TRMT11: variants seen among roughly 807,000 people sequenced by gnomAD.
TRMT11 encodes tRNA (guanine(10)-N(2))-methyltransferase TRMT11.
Under a neutral mutation model 62.8 loss-of-function variants are expected in TRMT11, and 53 were observed. The ratio of observed to expected loss-of-function variants is 0.84; its 90% confidence interval spans 0.68 to 1.06. TRMT11 has a LOEUF of 1.06. Among genes scored for constraint, TRMT11 ranks in the 50% least tolerant of loss-of-function variants. The pLI is 0.00. For synonymous variants in TRMT11, 188 were observed against 190.3 expected (o/e 0.99, Z 0.10); for missense variants, 556 against 553.4 (o/e 1.00, Z -0.05).
chr6:126,249,561 A>G, the TRMT11 span, among the ~76,000 whole-genome samples: 4 of 152,180 alleles, frequency 2.6e-5, no homozygotes. Context: ...TGTGCATAAT[A>G]AAATGTGAGA....
At chr6:126,064,303 G>A (rs537727506) in intron 17 of TRMT11, among the ~76,000 whole-genome samples, 31 of 152,206 alleles carry the variant, frequency 2.0e-4, no homozygotes, top group Non-Finnish European at 3.8e-4. Flanking sequence ...TGAGATGACC[G>A]ATACCCTGGA....
chr6:126,231,403 A>G, the TRMT11 span, among the ~76,000 whole-genome samples: 1 of 152,206 alleles, frequency 6.6e-6, no homozygotes, highest in Non-Finnish European at 1.5e-5. Flanking sequence ...CATTTTTAGT[A>G]TTGAAAAAAT....
At chr6:126,196,237 T>G (rs1046907141) in intron 1 of TRMT11, among the ~76,000 whole-genome samples, 1 of 152,226 alleles carries the variant, frequency 6.6e-6, no homozygotes, top group Non-Finnish European at 1.5e-5. Context: ...TACTCTGTAC[T>G]AAAATTGATT....
intron 21 of TRMT11, among the ~76,000 whole-genome samples, chr6:126,123,106 T>C (rs1012799889): frequency 1.6e-4 from 25 of 152,138 alleles, no homozygotes; most frequent in African/African-American, 6.0e-4. Flanking sequence ...ATATCTGCCT[T>C]GTAGCCTTGC....
chr6:126,083,500 A>T (rs1777181664), intron 17 of TRMT11, among the ~76,000 whole-genome samples: 1 of 152,150 alleles, frequency 6.6e-6, no homozygotes, highest in African/African-American at 2.4e-5. Context: ...AATACATTAT[A>T]TTGTGCATAT....
At chr6:126,018,558 G>T (rs1452149540) in intron 11 of TRMT11, among the ~76,000 whole-genome samples, 2 of 151,680 alleles carry the variant, frequency 1.3e-5, no homozygotes. Context: ...CCACAAAGTT[G>T]TGTGACCATC....
the TRMT11 span, among the ~76,000 whole-genome samples, chr6:126,268,580 A>G: frequency 3.2e-3 from 493 of 152,284 alleles, 23 homozygotes; most frequent in East Asian, 0.078. Flanking sequence ...CATGAATGCC[A>G]TTGTTTAAAT....
chr6:126,193,784 G>A (rs1034749101), intron 1 of TRMT11, among the ~76,000 whole-genome samples: 4 of 151,812 alleles, frequency 2.6e-5, no homozygotes, highest in Admixed American at 6.6e-5. Flanking sequence ...ATGCCCGGCC[G>A]CGTTTCTGTG....
chr6:126,021,115 C>G, intron 11 of TRMT11, 45 bp from the exon 12 acceptor site: 1 of 1,607,590 alleles, frequency 6.2e-7, no homozygotes, highest in South Asian at 1.1e-5. Context: ...TTCTTTGTGG[C>G]CCACACATGT....
chr6:126,103,574 C>T (rs746605979), intron 17 of TRMT11, among the ~76,000 whole-genome samples: 4 of 152,174 alleles, frequency 2.6e-5, no homozygotes, highest in Non-Finnish European at 5.9e-5. Context: ...GGTTCTGCTT[C>T]CAAACTCACT....
chr6:126,035,091 A>G (rs1282957126), intron 12 of TRMT11, among the ~76,000 whole-genome samples: 1 of 152,144 alleles, frequency 6.6e-6, no homozygotes, highest in Non-Finnish European at 1.5e-5. Context: ...CATTAAGGTA[A>G]TAAAAGTTCT....
chr6:126,055,207 C>A (rs1293193078), intron 17 of TRMT11, among the ~76,000 whole-genome samples: 1 of 152,128 alleles, frequency 6.6e-6, no homozygotes, highest in African/African-American at 2.4e-5. Flanking sequence ...TGAACTGATC[C>A]CCTTGCCTCG....
chr6:125,993,165 T>C (rs1223254878), intron 1 of TRMT11, among the ~76,000 whole-genome samples: 2 of 152,218 alleles, frequency 1.3e-5, no homozygotes, highest in Non-Finnish European at 2.9e-5. Context: ...TTGTTAGTCA[T>C]ACAAATTATA....
At chr6:126,175,201 A>G (rs1484497597), upstream of TRMT11, among the ~76,000 whole-genome samples, 1 of 152,192 alleles carries the variant, frequency 6.6e-6, no homozygotes, top group East Asian at 1.9e-4. Flanking sequence ...TGTCAATAAT[A>G]GTTGGAGGGG....
At chr6:126,215,514 C>CT in the TRMT11 span, among the ~76,000 whole-genome samples, 1 of 152,022 alleles carries the variant, frequency 6.6e-6, no homozygotes, top group African/African-American at 2.4e-5. Flanking sequence ...GACTCATAAT[C>CT]TTTTTTGTTT....
chr6:126,002,957 A>T (rs1014074386), intron 7 of TRMT11, among the ~76,000 whole-genome samples: 1 of 152,006 alleles, frequency 6.6e-6, no homozygotes, highest in African/African-American at 2.4e-5. Context: ...ACTTAATGGT[A>T]TTTCCTGGAA....
At chr6:126,037,480 G>A (rs933380006) in intron 12 of TRMT11, among the ~76,000 whole-genome samples, 12 of 151,984 alleles carry the variant, frequency 7.9e-5, no homozygotes, top group African/African-American at 2.7e-4. Context: ...GTTATTAATA[G>A]TAACCTTTAA....
At chr6:126,151,608 C>G (rs1459024752) in intron 21 of TRMT11, among the ~76,000 whole-genome samples, 1 of 152,192 alleles carries the variant, frequency 6.6e-6, no homozygotes, top group Non-Finnish European at 1.5e-5. Context: ...ACCTCTCTCT[C>G]ACCTTGCCAA....
At chr6:126,258,210 G>C in the TRMT11 span, 1 of 662,596 alleles carries the variant, frequency 1.5e-6, no homozygotes, top group South Asian at 1.4e-5. Flanking sequence ...TTCCCTTGGC[G>C]CCTCACTGGG....
Sources: gnomAD v4.1 joint callset for allele counts (sites outside exome capture counted in the v4.1 genomes callset) on GRCh38, gnomAD v4.1.1 for gene constraint, MANE v1.5 for transcripts, NCBI Gene and HGNC (gene_info 2026-07-23, HGNC 2026-07-21) for gene names.